Variants in LOC128462377 observed in about 807,000 individuals in gnomAD.
chr16:89,381,039 G>A, the LOC128462377 span, among the ~76,000 whole-genome samples: 1 of 152,158 alleles, frequency 6.6e-6, no homozygotes, highest in African/African-American at 2.4e-5. Flanking sequence ...GATGAGAAGG[G>A]CGGCTGGGCG....
chr16:89,366,770 C>G, the LOC128462377 span, among the ~76,000 whole-genome samples: 1 of 152,190 alleles, frequency 6.6e-6, no homozygotes, highest in South Asian at 2.1e-4. Flanking sequence ...TATGGGTACA[C>G]CAAGTCCCAC....
the LOC128462377 span, chr16:89,323,294 G>A: frequency 4.7e-6 from 6 of 1,288,998 alleles, no homozygotes; most frequent in Non-Finnish European, 5.1e-6. Context: ...AAGCCCTTGA[G>A]TGACACACCC....
chr16:89,352,608 T>C, the LOC128462377 span, among the ~76,000 whole-genome samples: 1 of 152,172 alleles, frequency 6.6e-6, no homozygotes, highest in South Asian at 2.1e-4. Flanking sequence ...TCACACACAC[T>C]GTGGTAGATC....
chr16:89,358,049 G>C, the LOC128462377 span, among the ~76,000 whole-genome samples: 1 of 152,194 alleles, frequency 6.6e-6, no homozygotes, highest in Non-Finnish European at 1.5e-5. Context: ...TTACTGCTTT[G>C]AACAATGGAG....
the LOC128462377 span, chr16:89,395,744 C>T: frequency 6.6e-6 from 1 of 152,202 alleles, no homozygotes; most frequent in African/African-American, 2.4e-5. Flanking sequence ...GACTGAATAG[C>T]TTGGTACACT....
the LOC128462377 span, among the ~76,000 whole-genome samples, chr16:89,364,428 A>G: frequency 1.3e-5 from 2 of 152,256 alleles, no homozygotes; most frequent in African/African-American, 2.4e-5. Context: ...CGGTAAGAAC[A>G]AGCTGAAATA....
the LOC128462377 span, among the ~76,000 whole-genome samples, chr16:89,408,629 T>TGC: frequency 6.6e-6 from 1 of 152,078 alleles, no homozygotes; most frequent in Non-Finnish European, 1.5e-5. Flanking sequence ...GTCCCAGCCG[T>TGC]GCCCACAGCT....
the LOC128462377 span, chr16:89,328,793 C>G: frequency 7.6e-6 from 1 of 132,424 alleles, no homozygotes; most frequent in African/African-American, 2.9e-5. Flanking sequence ...CACACCCAGG[C>G]GCACGGGCGA....
chr16:89,349,027 C>G, the LOC128462377 span, among the ~76,000 whole-genome samples: 4 of 145,816 alleles, frequency 2.7e-5, no homozygotes, highest in African/African-American at 1.0e-4. Context: ...ACTCAGGAGG[C>G]TGAGGCAGGA....
At chr16:89,396,706 G>A in the LOC128462377 span, among the ~76,000 whole-genome samples, 2 of 152,150 alleles carry the variant, frequency 1.3e-5, no homozygotes, top group East Asian at 3.9e-4. Context: ...GTTGTTTTTG[G>A]GACGGAGTTT....
the LOC128462377 span, among the ~76,000 whole-genome samples, chr16:89,330,657 TGGGGGGGGGGGG>T: frequency 1.2e-3 from 6 of 5,076 alleles, 1 homozygote; most frequent in African/African-American, 3.0e-3. Flanking sequence ...GTACAGTGAC[TGGGGGGGGGGGG>T]GGGGGGCGGG....
chr16:89,385,259 G>A, the LOC128462377 span, among the ~76,000 whole-genome samples: 1 of 151,934 alleles, frequency 6.6e-6, no homozygotes, highest in Admixed American at 6.5e-5. Flanking sequence ...GCCCGTCTCA[G>A]CTCACTGCAC....
chr16:89,334,144 T>TAAAAAAAAAAAAAAAAAA, the LOC128462377 span, among the ~76,000 whole-genome samples: 6 of 41,416 alleles, frequency 1.4e-4, no homozygotes, highest in African/African-American at 4.8e-4. Context: ...CCCTGTGTTT[T>TAAAAAAAAAAAAAAAAAA]AAAAAAAAAA....
chr16:89,365,809 A>G, the LOC128462377 span, among the ~76,000 whole-genome samples: 1 of 152,120 alleles, frequency 6.6e-6, no homozygotes, highest in African/African-American at 2.4e-5. Flanking sequence ...TTCATCACCC[A>G]GGTGTTAAGC....
At chr16:89,347,943 T>C in the LOC128462377 span, among the ~76,000 whole-genome samples, 1 of 142,728 alleles carries the variant, frequency 7.0e-6, no homozygotes, top group African/African-American at 2.7e-5. Context: ...GGATTTTGTC[T>C]TTTTTTTTTT....
the LOC128462377 span, among the ~76,000 whole-genome samples, chr16:89,383,019 T>G: frequency 6.6e-6 from 1 of 152,226 alleles, no homozygotes; most frequent in African/African-American, 2.4e-5. Context: ...AAAGCGTAAC[T>G]TTTAATAAAG....
chr16:89,381,960 A>G, the LOC128462377 span, among the ~76,000 whole-genome samples: 1 of 152,150 alleles, frequency 6.6e-6, no homozygotes, highest in African/African-American at 2.4e-5. Context: ...ATCTAGTTCT[A>G]TCTTCAATGT....
the LOC128462377 span, among the ~76,000 whole-genome samples, chr16:89,319,214 C>A: frequency 2.0e-5 from 3 of 152,240 alleles, no homozygotes; most frequent in Non-Finnish European, 2.9e-5. Context: ...GTGGTCAGGG[C>A]GCAGACCCCA....
chr16:89,317,086 AGAG>A, the LOC128462377 span: 5 of 1,509,026 alleles, frequency 3.3e-6, no homozygotes, highest in Non-Finnish European at 2.7e-6. Flanking sequence ...CTGCTTCAAA[AGAG>A]AAGACACACA....
Sources: allele counts gnomAD v4.1 joint callset (sites outside exome capture counted in the v4.1 genomes callset), GRCh38; gene constraint gnomAD v4.1.1; transcripts MANE v1.5.